The following CDK5RAP2 variants were observed in gnomAD, a reference collection of about 807,000 sequenced individuals.
CDK5RAP2 encodes CDK5 regulatory subunit-associated protein 2.
Under a neutral mutation model 232.9 loss-of-function variants are expected in CDK5RAP2, and 147 were observed. The observed-to-expected ratio is 0.63, with a 90% CI of 0.55 to 0.72. CDK5RAP2 has a LOEUF of 0.72. Ranked by LOEUF, CDK5RAP2 falls within the 30% of genes least tolerant of loss-of-function variation. The pLI, the probability that CDK5RAP2 is intolerant of heterozygous loss-of-function variation, is 0.00. For synonymous variants in CDK5RAP2, 833 were observed against 833.7 expected (o/e 1.00, Z 0.01); for missense variants, 2,195 against 2,231.5 (o/e 0.98, Z 0.33).
chr9:120,453,317 G>C, intron 21 of CDK5RAP2, 139 bp downstream of exon 21: 1 of 738,252 alleles, frequency 1.4e-6, no homozygotes, highest in Non-Finnish European at 2.2e-6. Context: ...CTGGGTGGAG[G>C]CCAGGGTAAG....
intron 7 of CDK5RAP2, among the ~76,000 whole-genome samples, chr9:120,531,026 A>T (rs934581934): frequency 4.6e-5 from 7 of 152,076 alleles, no homozygotes; most frequent in African/African-American, 1.7e-4. Flanking sequence ...AGGAAAAAAT[A>T]AAAAAATAAA....
intron 20 of CDK5RAP2, 93 bp downstream of exon 20, chr9:120,458,357 T>G (rs1017820055): frequency 1.6e-6 from 2 of 1,245,410 alleles, no homozygotes; most frequent in Admixed American, 1.8e-5. Flanking sequence ...TCAGGTAAAT[T>G]ACACAGCACG....
At chr9:120,519,381 G>C (rs1421922909) in intron 11 of CDK5RAP2, among the ~76,000 whole-genome samples, 1 of 151,652 alleles carries the variant, frequency 6.6e-6, no homozygotes, top group East Asian at 1.9e-4. Context: ...ACCTTCATTT[G>C]AAAATGTGAA....
At chr9:120,449,742 G>A (rs141587520) in intron 21 of CDK5RAP2, among the ~76,000 whole-genome samples, 40 of 152,316 alleles carry the variant, frequency 2.6e-4, no homozygotes, top group Admixed American at 7.8e-4. Flanking sequence ...GGAGATATGT[G>A]TATGGCCAAT....
intron 23 of CDK5RAP2, among the ~76,000 whole-genome samples, chr9:120,440,693 C>T (rs1490062250): frequency 2.6e-5 from 4 of 152,222 alleles, no homozygotes; most frequent in Admixed American, 2.6e-4. Context: ...CCTCACCAGA[C>T]TGCACGTTTC....
In CDK5RAP2 at chr9:120,535,527, T is replaced by C. The variant is rs561927636; in HGVS notation, c.662+845A>G. ...ATCATTTGCTTTAGAACAATTTCTA[T>C]CAAATTCCAAACAAGCTCGGCTCTT... On this transcript the variant is annotated intron_variant, in intron 7 of 37. Transcript: ENST00000349780. Among the ~76,000 whole-genome samples the C allele has an allele frequency of 1.8e-4, 27 of 152,362 alleles. No homozygotes were observed. The South Asian group carries it at 5.4e-3, about 30-fold the overall frequency.
intron 20 of CDK5RAP2, 141 bp from the exon 21 acceptor site, chr9:120,454,014 A>G: frequency 1.2e-6 from 1 of 818,020 alleles, no homozygotes; most frequent in Non-Finnish European, 2.1e-6. Context: ...ACAACGTGCC[A>G]GGGCCCACAT....
At chr9:120,549,069 T>A (rs908859550) in intron 4 of CDK5RAP2, among the ~76,000 whole-genome samples, 1 of 151,644 alleles carries the variant, frequency 6.6e-6, no homozygotes, top group African/African-American at 2.4e-5. Flanking sequence ...AGGACAGGAA[T>A]TGCTTGAACC....
At position 120,527,806 on chromosome 9, in the gene CDK5RAP2, C is replaced by G. The variant is rs140244643; in HGVS notation, c.999G>C (p.Lys333Asn). The G allele has an allele frequency of 6.2e-7, 1 of 1,613,164 alleles. No individual in the cohort carries two copies. The highest frequency in any genetic ancestry group is 2.2e-5 in the East Asian group (1 of 44,840). Residue 333 changes from lysine (K) to asparagine (N), a missense_variant and splice_region_variant, in exon 10 of 38, where the codon AAG becomes AAC. Physicochemically the swap from Lys to Asn is moderately conservative, Grantham distance 94. Coordinates refer to ENST00000349780, the MANE Select transcript of CDK5RAP2 (RefSeq NM_018249.6). Reference sequence around the variant, plus strand: ...CTTACTTCAAGTGTATCAGACATACCTTTTTTTCCTTTGATTTTAATGCCA... The same window carrying G: ...CTTACTTCAAGTGTATCAGACATACGTTTTTTTCCTTTGATTTTAATGCCA... ...LTMALKSKEK[K>N]VEELNSEIEK...
intron 21 of CDK5RAP2, among the ~76,000 whole-genome samples, chr9:120,451,316 T>C (rs1389772801): frequency 6.6e-6 from 1 of 152,208 alleles, no homozygotes; most frequent in African/African-American, 2.4e-5. Context: ...GGTACTGTAC[T>C]AGACACTTGC....
chr9:120,573,034 C>G (rs1392532995), intron 1 of CDK5RAP2, among the ~76,000 whole-genome samples: 1 of 152,164 alleles, frequency 6.6e-6, no homozygotes. Flanking sequence ...CCAACTCCCA[C>G]GAATACTTCC....
intron 12 of CDK5RAP2, among the ~76,000 whole-genome samples, chr9:120,513,357 C>A (rs574748792): frequency 6.6e-6 from 1 of 152,274 alleles, no homozygotes; most frequent in East Asian, 1.9e-4. Context: ...CCAACCCTAC[C>A]CCACCAGGGG....
At chr9:120,445,040 A>G (rs1160891554) in intron 22 of CDK5RAP2, among the ~76,000 whole-genome samples, 1 of 152,200 alleles carries the variant, frequency 6.6e-6, no homozygotes, top group Non-Finnish European at 1.5e-5. Context: ...AATCTGATGC[A>G]ACCTCCTGCC....
chr9:120,462,253 G>A (rs2037132628), intron 18 of CDK5RAP2, among the ~76,000 whole-genome samples: 1 of 152,040 alleles, frequency 6.6e-6, no homozygotes, highest in Non-Finnish European at 1.5e-5. Context: ...TATAAATATG[G>A]GTAAGGAACC....
At chr9:120,504,004 A>G (rs1408573292) in intron 12 of CDK5RAP2, among the ~76,000 whole-genome samples, 1 of 152,210 alleles carries the variant, frequency 6.6e-6, no homozygotes, top group Non-Finnish European at 1.5e-5. Context: ...TTCATGGCCA[A>G]GAGTGTCCAA....
rs2031672778 is a variant in CDK5RAP2, at chr9:120,389,147, T to C, written c.*89A>G. 2.7e-6 allele frequency: 3 copies of C among 1,105,172 alleles called. No homozygotes were observed. Among genetic ancestry groups the C allele is most frequent in the South Asian group, 1.3e-5 (1 of 74,120 alleles). The allele number at this position is 1,105,172 out of a possible 1,614,324, so 68.5% of individuals were successfully genotyped here. ...TTTCCTTTGGCCAGACAGCTCTTTC[T>C]TCCTCAATAAATAGGAACCACACTT... On this transcript the variant is annotated 3_prime_UTR_variant, in exon 38 of 38. Transcript: ENST00000349780.
chr9:120,417,535 G>A (rs1017425269), intron 27 of CDK5RAP2, among the ~76,000 whole-genome samples: 7 of 152,266 alleles, frequency 4.6e-5, no homozygotes, highest in Non-Finnish European at 1.0e-4. Context: ...ACTGTGAGAA[G>A]GGGACATAAA....
chr9:120,446,186 T>G (rs991077880), intron 22 of CDK5RAP2, among the ~76,000 whole-genome samples: 5 of 152,098 alleles, frequency 3.3e-5, no homozygotes, highest in African/African-American at 1.2e-4. Flanking sequence ...GTGGCTGTGT[T>G]TCAATAAAAT....
At chr9:120,539,751 G>A (rs1379135710) in intron 5 of CDK5RAP2, among the ~76,000 whole-genome samples, 1 of 152,190 alleles carries the variant, frequency 6.6e-6, no homozygotes, top group East Asian at 1.9e-4. Flanking sequence ...GTGACTTCCT[G>A]AGAATTGATT....
Sources: allele counts gnomAD v4.1 joint callset (sites outside exome capture counted in the v4.1 genomes callset), GRCh38; gene constraint gnomAD v4.1.1; transcripts MANE v1.5; gene names NCBI Gene and HGNC (gene_info 2026-07-23, HGNC 2026-07-21).